Variants in CELF1 observed in about 807,000 individuals in gnomAD.
CELF1 encodes the protein 50 kDa nuclear polyadenylated RNA-binding protein.
A neutral mutation model predicts 61.8 loss-of-function variants in CELF1; 10 were observed. That is an observed-to-expected ratio of 0.16 (90% CI 0.10 to 0.27). CELF1 has a LOEUF of 0.27. Among genes scored for constraint, CELF1 ranks in the 10% least tolerant of loss-of-function variants. The pLI, the probability that CELF1 is intolerant of heterozygous loss-of-function variation, is 1.00. For missense variants in CELF1, 380 were observed against 639.1 expected (o/e 0.59, Z 4.37); for synonymous variants, 236 against 225.1 (o/e 1.05, Z -0.43).
In CELF1 at chr11:47,466,680, G is replaced by A. The variant is rs1191586263; in HGVS notation, c.*5550C>T. 6.6e-6 allele frequency: 1 copy of A among 152,216 alleles called. No homozygotes were observed. 9.4% of individuals were successfully genotyped at this position (152,216 alleles called of 1,614,324 possible). Reference sequence around the variant, plus strand: ...ACAGAACAATTAAAACAATCAGAGAGAGAAAAGGAAAAGGAAACAACGTCC... The same window carrying A: ...ACAGAACAATTAAAACAATCAGAGAAAGAAAAGGAAAAGGAAACAACGTCC... On this transcript the variant is annotated 3_prime_UTR_variant, in exon 15 of 15. Transcript: ENST00000687097.
In CELF1 at chr11:47,499,492, T is replaced by A. The variant is rs1391097498; in HGVS notation, c.32A>T (p.Glu11Val). The A allele has an allele frequency of 6.5e-7, 1 of 1,536,000 alleles. No homozygotes were observed. Among genetic ancestry groups the A allele is most frequent in the African/African-American group, 1.4e-5 (1 of 73,046 alleles). MAAFKLDFLP[E>V]MMVDHCSLNS... ...CAAAGAGCAATGATCCACCATCATT[T>A]CTGGAAGGAAATCCAACTTAAACGC... Residue 11 changes from glutamate to valine, a missense_variant, in exon 3 of 15, where the codon GAA becomes GTA. By Grantham distance (121) the Glu-to-Val change is moderately radical. Transcript: ENST00000687097.
chr11:47,520,482 G>C (rs950581739), intron 1 of CELF1, among the ~76,000 whole-genome samples: 8 of 152,132 alleles, frequency 5.3e-5, no homozygotes, highest in African/African-American at 1.9e-4. Flanking sequence ...CCTTGTAAGG[G>C]CATCTCCGGA....
intron 2 of CELF1, chr11:47,499,847 G>C: frequency 4.2e-6 from 1 of 239,526 alleles, no homozygotes; most frequent in East Asian, 8.5e-5. Context: ...AATAGTGTCA[G>C]ATCCATGAAG....
At chr11:47,518,004 C>T (rs536193126) in intron 1 of CELF1, among the ~76,000 whole-genome samples, 38 of 152,194 alleles carry the variant, frequency 2.5e-4, no homozygotes, top group Non-Finnish European at 3.5e-4. Context: ...CTGCAGACAC[C>T]GTATCCCCTT....
chr11:47,496,039 G>A lies in CELF1; in HGVS notation c.71+3414C>T, dbSNP rs1317160731. 3.1e-6 allele frequency: 3 copies of A among 982,980 alleles called. No individual in the cohort carries two copies. The African/African-American group carries it at 5.2e-5, about 17-fold the overall frequency. 60.9% of individuals were successfully genotyped at this position (982,980 alleles called of 1,614,324 possible). A position where few individuals can be genotyped will look rare whatever the true frequency, so the allele number is the denominator to read the frequency against. ...ACAAGGTCCCTCTGGCTCACATACA[G>A]TGCTGTGGAAAAACTGGAACAGAAG... On this transcript the variant is annotated intron_variant, in intron 3 of 14. Transcript: ENST00000687097.
At chr11:47,546,258 G>A (rs1405773867) in intron 1 of CELF1, among the ~76,000 whole-genome samples, 4 of 137,256 alleles carry the variant, frequency 2.9e-5, no homozygotes, top group Non-Finnish European at 6.3e-5. Context: ...TTTTTTGGGC[G>A]GGGGCCGGGG....
intron 9 of CELF1, among the ~76,000 whole-genome samples, chr11:47,480,095 T>G (rs999433819): frequency 6.6e-6 from 1 of 151,622 alleles, no homozygotes; most frequent in African/African-American, 2.4e-5. Context: ...TACACTTTTT[T>G]TTTTTTTTTT....
intron 1 of CELF1, among the ~76,000 whole-genome samples, chr11:47,546,831 G>C (rs1216503129): frequency 6.6e-6 from 1 of 152,042 alleles, no homozygotes; most frequent in Non-Finnish European, 1.5e-5. Flanking sequence ...TTGGGAGGCT[G>C]AGGTGGGTGA....
At position 47,508,800 on chromosome 11, in the gene CELF1, C is replaced by T. The variant is rs149165951; in HGVS notation, c.-153-7868G>A. ...AAAAGGCTGTTTTGAGACGGAGTTT[C>T]GCTCTTGTTGCCCAGGGTGGAGTGC... On this transcript the variant is annotated intron_variant, in intron 1 of 14. Transcript: ENST00000687097. Among the ~76,000 whole-genome samples, 81 of 152,270 alleles carry T rather than the reference C, an allele frequency of 5.3e-4. 3 individuals carry two copies. Among genetic ancestry groups the T allele is most frequent in the African/African-American group, 1.8e-3 (74 of 41,560 alleles).
intron 1 of CELF1, chr11:47,524,906 AATAAGGTTTGAG>A (rs1433410264): frequency 6.6e-6 from 1 of 152,186 alleles, no homozygotes; most frequent in Non-Finnish European, 1.5e-5. Flanking sequence ...TGGTACTTGA[AATAAGGTTTGAG>A]ATATTCTATT....
intron 1 of CELF1, among the ~76,000 whole-genome samples, chr11:47,514,692 CA>C (rs34636337): frequency 5.1e-4 from 54 of 106,066 alleles, no homozygotes; most frequent in African/African-American, 1.2e-3. Context: ...CCTATCTCTA[CA>C]AAAAAAAAAA....
chr11:47,506,780 A>G (rs952908963), intron 1 of CELF1: 5 of 152,270 alleles, frequency 3.3e-5, no homozygotes, highest in African/African-American at 1.2e-4. Context: ...CAACTTTTTC[A>G]TATCTGCATA....
intron 3 of CELF1, among the ~76,000 whole-genome samples, chr11:47,499,205 C>T (rs953629748): frequency 6.6e-6 from 1 of 152,142 alleles, no homozygotes; most frequent in Non-Finnish European, 1.5e-5. Flanking sequence ...GGAGCTAGCA[C>T]ACTTGAGCTG....
chr11:47,480,586 A>G (rs910907153), intron 9 of CELF1, among the ~76,000 whole-genome samples: 1 of 152,216 alleles, frequency 6.6e-6, no homozygotes, highest in African/African-American at 2.4e-5. Context: ...AAAAAGGTTA[A>G]CCTTCCCTAA....
chr11:47,524,853 A>G (rs908034845), intron 1 of CELF1: 5 of 152,244 alleles, frequency 3.3e-5, no homozygotes, highest in South Asian at 2.1e-4. Flanking sequence ...ACACACATGC[A>G]TTCTGTTCAC....
At chr11:47,489,182 T>TCC (rs1292237561) in intron 3 of CELF1, among the ~76,000 whole-genome samples, 158 bp from the exon 4 acceptor site, 1 of 152,212 alleles carries the variant, frequency 6.6e-6, no homozygotes, top group Admixed American at 6.5e-5. Flanking sequence ...TCCCTGGTTC[T>TCC]CCCTCACCAT....
intron 1 of CELF1, among the ~76,000 whole-genome samples, chr11:47,507,481 T>C (rs1300665519): frequency 6.6e-6 from 1 of 151,052 alleles, no homozygotes; most frequent in Non-Finnish European, 1.5e-5. Context: ...AATCAGAAGA[T>C]GGGGAAGTTA....
At chr11:47,477,845 T>C (rs575034648) in intron 10 of CELF1, among the ~76,000 whole-genome samples, 3 of 152,266 alleles carry the variant, frequency 2.0e-5, no homozygotes, top group Admixed American at 1.3e-4. Context: ...ACATGGCAGA[T>C]GCAGAAGGCC....
At chr11:47,480,089 C>CT (rs972385893) in intron 9 of CELF1, among the ~76,000 whole-genome samples, 1,980 of 139,134 alleles carry the variant, frequency 0.014, 30 homozygotes, top group African/African-American at 0.034. Context: ...CACGTCTACA[C>CT]TTTTTTTTTT....
Sources: gnomAD v4.1 joint callset for allele counts (sites outside exome capture counted in the v4.1 genomes callset) on GRCh38, gnomAD v4.1.1 for gene constraint, MANE v1.5 for transcripts, NCBI Gene and HGNC (gene_info 2026-07-23, HGNC 2026-07-21) for gene names.